The following XKR5 variants were observed in gnomAD, a reference collection of about 807,000 sequenced individuals.
XKR5 encodes the protein XK related 5.
XKR5 carries 46 observed loss-of-function variants against 40.8 expected under a neutral mutation model. That is an observed-to-expected ratio of 1.13 (90% CI 0.89 to 1.44). XKR5 has a LOEUF of 1.44. Among genes scored for constraint, XKR5 ranks in the 40% most tolerant of loss-of-function variants. XKR5 has a pLI of 0.00. For synonymous variants in XKR5, 466 were observed against 356.1 expected (o/e 1.31, Z -3.48); for missense variants, 1,169 against 844.7 (o/e 1.38, Z -4.76).
Position 6,811,704 on chromosome 8 carries a change from C to G in XKR5, c.1555G>C (p.Val519Leu). The change falls in exon 7 of 7, where the codon GTT becomes CTT. Residue 519 changes from valine (V) to leucine (L), a missense_variant. Coordinates refer to ENST00000618742, the MANE Select transcript of XKR5 (RefSeq NM_207411.5). ...GTCCCCTTCCCCTGTGTCCCAGAAA[C>G]AGCGTCAGCTCCTTCCTTTGGGGTG... The part of the protein sequence containing the change: ...EGTPKEGADA[V>L]SGTQGKGTGG... 1.3e-6 allele frequency: 2 copies of G among 1,537,734 alleles called. No homozygotes were observed. The highest frequency in any genetic ancestry group is 1.7e-6 in the Non-Finnish European group (2 of 1,147,046).
intron 6 of XKR5, among the ~76,000 whole-genome samples, chr8:6,812,886 A>T (rs1333102502): frequency 6.6e-6 from 1 of 152,206 alleles, no homozygotes; most frequent in Admixed American, 6.5e-5. Flanking sequence ...AACAACAACA[A>T]CACTTCCTTT....
intron 3 of XKR5, among the ~76,000 whole-genome samples, chr8:6,824,361 G>T (rs1020416645): frequency 1.3e-5 from 2 of 151,984 alleles, no homozygotes; most frequent in African/African-American, 4.8e-5. Flanking sequence ...TAGCAGGAGG[G>T]AGAGGGAGAG....
Position 6,811,922 on chromosome 8 carries a change from C to T in XKR5, c.1337G>A (p.Arg446Lys), listed in dbSNP as rs1803721184. The change falls in exon 7 of 7, where the codon AGA becomes AAA. Residue 446 changes from arginine (R) to lysine (K), a missense_variant. Physicochemically the swap from Arg to Lys is conservative, Grantham distance 26. Transcript: ENST00000618742. ...WGLSQQDYLQ[R>K]KALSAQQELP... is the part of the protein sequence containing the mutation. ...CTCTTGCTGGGCAGACAAGGCCTTT[C>T]TCTGCAGGTAGTCCTGTTGACTCAA... 3 of 1,537,284 alleles carry T rather than the reference C, an allele frequency of 2.0e-6. No homozygotes were observed. Among genetic ancestry groups the T allele is most frequent in the Middle Eastern group, 1.7e-4 (1 of 6,012 alleles).
Position 6,812,422 on chromosome 8 carries a change from C to G in XKR5, c.920-83G>C, listed in dbSNP as rs552089294. 826 of 1,397,970 alleles carry G rather than the reference C, an allele frequency of 5.9e-4. 11 individuals carry two copies. The South Asian group carries it at 8.7e-3, about 15-fold the overall frequency. The allele number at this position is 1,397,970 out of a possible 1,614,324, so 86.6% of individuals were successfully genotyped here. The stretch of plus-strand genomic sequence containing the variant: ...TGGTGTGCAGTTTCAGGTTCTGGCC[C>G]TTTTGTGTAGAGGAAGATAATTTGG... On this transcript the variant is annotated intron_variant, in intron 6 of 6. Coordinates refer to ENST00000618742, the MANE Select transcript of XKR5 (RefSeq NM_207411.5).
chr8:6,812,406 G>A lies in XKR5; in HGVS notation c.920-67C>T, dbSNP rs949322009. 2.1e-6 allele frequency: 3 copies of A among 1,446,828 alleles called. No individual in the cohort carries two copies. The East Asian group carries it at 7.4e-5, about 36-fold the overall frequency. 89.6% of individuals were successfully genotyped at this position (1,446,828 alleles called of 1,614,324 possible). A position where few individuals can be genotyped will look rare whatever the true frequency, so the allele number is the denominator to read the frequency against. ...GTCTGCATCCTCCCTCTGGTGTGCA[G>A]TTTCAGGTTCTGGCCCTTTTGTGTA... On this transcript the variant is annotated intron_variant, in intron 6 of 6. Coordinates refer to ENST00000618742, the MANE Select transcript of XKR5 (RefSeq NM_207411.5).
intron 3 of XKR5, among the ~76,000 whole-genome samples, chr8:6,824,510 T>G (rs1804373125): frequency 6.6e-6 from 1 of 152,168 alleles, no homozygotes; most frequent in South Asian, 2.1e-4. Context: ...GGTATAAGCC[T>G]CTGGCTTTGT....
intron 6 of XKR5, among the ~76,000 whole-genome samples, chr8:6,813,565 T>A (rs909371489): frequency 6.6e-6 from 1 of 152,190 alleles, no homozygotes; most frequent in Non-Finnish European, 1.5e-5. Context: ...CTTGTGCTCC[T>A]TGGACTACAA....
intron 2 of XKR5, among the ~76,000 whole-genome samples, chr8:6,830,714 GT>G (rs906024722): frequency 2.6e-5 from 4 of 151,918 alleles, no homozygotes; most frequent in African/African-American, 9.7e-5. Flanking sequence ...ATGACTAATG[GT>G]TTTTCCTAAT....
chr8:6,814,682 T>G (rs542705104), intron 6 of XKR5, among the ~76,000 whole-genome samples: 1 of 152,306 alleles, frequency 6.6e-6, no homozygotes, highest in East Asian at 1.9e-4. Flanking sequence ...AAGTTTGATT[T>G]GAAAAAGAAG....
At chr8:6,825,062 T>G (rs976888983) in intron 3 of XKR5, 103 bp downstream of exon 3, 6 of 1,419,624 alleles carry the variant, frequency 4.2e-6, no homozygotes, top group Non-Finnish European at 5.8e-6. Flanking sequence ...CTAATGCTCC[T>G]AAGCAGAGGA....
In XKR5 at chr8:6,832,910, A is replaced by G; in HGVS notation, c.59-10T>C. The G allele has an allele frequency of 6.4e-7, 1 of 1,550,494 alleles. No homozygotes were observed. The highest frequency in any genetic ancestry group is 8.7e-7 in the Non-Finnish European group (1 of 1,152,576). The stretch of plus-strand genomic sequence containing the variant: ...GCCACGGTGTAAAGGCCTGGGTGAG[A>G]AGGGGAAAGGCAAGCAGGTTGTTGG... On this transcript the variant is annotated splice_polypyrimidine_tract_variant and intron_variant, in intron 1 of 6. Transcript: ENST00000618742.
At chr8:6,831,946 C>T (rs566563830) in intron 2 of XKR5, among the ~76,000 whole-genome samples, 60 of 133,438 alleles carry the variant, frequency 4.5e-4, no homozygotes, top group Non-Finnish European at 6.6e-4. Context: ...ACCCAGGAGG[C>T]GGAGGTTGCA....
chr8:6,809,610 T>C lies in XKR5; in HGVS notation c.*1588A>G, dbSNP rs1401696893. On this transcript the variant is annotated 3_prime_UTR_variant, in exon 7 of 7. Transcript: ENST00000618742. ...GACCCAAAGTCTCGTTATCTTCACC[T>C]GTTGTATGGAAAGTTTGTAGCCACT... The C allele has an allele frequency of 6.6e-6, 1 of 152,188 alleles. No individual in the cohort carries two copies. The highest frequency in any genetic ancestry group is 1.5e-5 in the Non-Finnish European group (1 of 68,058). 9.4% of individuals were successfully genotyped at this position (152,188 alleles called of 1,614,324 possible). A position where few individuals can be genotyped will look rare whatever the true frequency, so the allele number is the denominator to read the frequency against.
rs1033498537 is a variant in XKR5 at position 6,811,767 on chromosome 8, C to A, written c.1492G>T (p.Ala498Ser). The change falls in exon 7 of 7, where the codon GCA becomes TCA. Residue 498 changes from alanine (A) to serine (S), a missense_variant. Coordinates refer to ENST00000618742, the MANE Select transcript of XKR5 (RefSeq NM_207411.5). Reference protein sequence around the residue: ...VSFASDQQDEAPTQNPAATQG... With the variant: ...VSFASDQQDESPTQNPAATQG... ...GTGGCTGCTGGGTTCTGGGTAGGTGCTTCATCCTGCTGATCGCTGGCAAAA... is the reference window on the plus strand; with the variant it reads ...GTGGCTGCTGGGTTCTGGGTAGGTGATTCATCCTGCTGATCGCTGGCAAAA... 2 of 1,537,496 alleles carry A rather than the reference C, an allele frequency of 1.3e-6. No individual in the cohort carries two copies. The highest frequency in any genetic ancestry group is 2.7e-5 in the African/African-American group (2 of 73,046).
rs745556738 is a variant in XKR5, at chr8:6,821,998, C to A, written c.678G>T (p.Gln226His). The change falls in exon 5 of 7, where the codon CAG becomes CAT. Residue 226 changes from glutamine to histidine, a missense_variant. Transcript: ENST00000618742. ...AGGTGCTGTCGATGATGTCACTCTGCTGGGCGACAAGCCAGAATGTCATCA... is the reference window on the plus strand; with the variant it reads ...AGGTGCTGTCGATGATGTCACTCTGATGGGCGACAAGCCAGAATGTCATCA... ...WLVMTFWLVA[Q>H]QSDIIDSTCH... 1.2e-6 allele frequency: 2 copies of A among 1,605,878 alleles called. No individual in the cohort carries two copies. The highest frequency in any genetic ancestry group is 2.2e-5 in the East Asian group (1 of 44,532).
At chr8:6,831,719 TA>T (rs1367445466) in intron 2 of XKR5, among the ~76,000 whole-genome samples, 3 of 151,796 alleles carry the variant, frequency 2.0e-5, no homozygotes, top group African/African-American at 4.8e-5. Context: ...TTTTCTCCCT[TA>T]AAAAAAATCC....
chr8:6,822,640 C>A (rs1804293429), intron 4 of XKR5, among the ~76,000 whole-genome samples: 1 of 152,154 alleles, frequency 6.6e-6, no homozygotes, highest in Admixed American at 6.5e-5. Context: ...TTAATGTCTC[C>A]AATTCTCTTA....
chr8:6,816,065 G>C, intron 5 of XKR5, 147 bp from the exon 6 acceptor site: 1 of 601,290 alleles, frequency 1.7e-6, no homozygotes, highest in Non-Finnish European at 2.9e-6. Context: ...CCCAGGAGCA[G>C]GGCTATGTCC....
At chr8:6,829,810 C>G (rs985364574) in intron 2 of XKR5, among the ~76,000 whole-genome samples, 1 of 149,830 alleles carries the variant, frequency 6.7e-6, no homozygotes, top group African/African-American at 2.5e-5. Context: ...AGCCGTCACG[C>G]CAGGCCAAAT....
Sources: gnomAD v4.1 joint callset for allele counts (sites outside exome capture counted in the v4.1 genomes callset) on GRCh38, gnomAD v4.1.1 for gene constraint, MANE v1.5 for transcripts, NCBI Gene and HGNC (gene_info 2026-07-23, HGNC 2026-07-21) for gene names.